The following PRDM14 variants were observed in gnomAD, a reference collection of about 807,000 sequenced individuals.
The protein encoded by PRDM14 is PR domain zinc finger protein 14.
Under a neutral mutation model 48.0 loss-of-function variants are expected in PRDM14, and 16 were observed. The ratio of observed to expected loss-of-function variants is 0.33; its 90% confidence interval spans 0.23 to 0.51. The LOEUF (loss-of-function observed/expected upper bound fraction) is 0.51. Among genes scored for constraint, PRDM14 ranks in the 20% least tolerant of loss-of-function variants. The pLI, the probability that PRDM14 is intolerant of heterozygous loss-of-function variation, is 0.97. For synonymous variants in PRDM14, 264 were observed against 276.6 expected (o/e 0.95, Z 0.45); for missense variants, 566 against 719.6 (o/e 0.79, Z 2.44).
At chr8:70,058,213 T>C (rs114016146) in intron 6 of PRDM14, among the ~76,000 whole-genome samples, 2,362 of 152,242 alleles carry the variant, frequency 0.016, 76 homozygotes, top group African/African-American at 0.054. Flanking sequence ...TCAACACACC[T>C]GCACAGATTT....
chr8:70,070,607 C>G (rs977180008), intron 1 of PRDM14, among the ~76,000 whole-genome samples: 1 of 152,200 alleles, frequency 6.6e-6, no homozygotes, highest in African/African-American at 2.4e-5. Context: ...TCTTTTCCCT[C>G]GCGGGCAGCG....
At chr8:70,053,344 T>C (rs1805420382) in intron 7 of PRDM14, among the ~76,000 whole-genome samples, 2 of 149,510 alleles carry the variant, frequency 1.3e-5, no homozygotes, top group Admixed American at 6.7e-5. Flanking sequence ...TCTTCTTCTT[T>C]TTAATTTAAA....
At chr8:70,064,772 G>T (rs952750068) in intron 5 of PRDM14, among the ~76,000 whole-genome samples, 1 of 150,866 alleles carries the variant, frequency 6.6e-6, no homozygotes, top group Admixed American at 6.6e-5. Context: ...TGATCCGCCC[G>T]CCTCACCTCC....
At chr8:70,054,510 T>C (rs1805439176) in intron 7 of PRDM14, among the ~76,000 whole-genome samples, 1 of 139,684 alleles carries the variant, frequency 7.2e-6, no homozygotes, top group South Asian at 2.3e-4. Context: ...TACTATGAAA[T>C]AGTGATTTTT....
intron 5 of PRDM14, among the ~76,000 whole-genome samples, chr8:70,060,001 G>A (rs1805548953): frequency 2.7e-5 from 4 of 150,898 alleles, no homozygotes. Context: ...GCTGAGGCAG[G>A]AGAATCACTT....
intron 2 of PRDM14, among the ~76,000 whole-genome samples, chr8:70,068,862 G>A (rs1223442888): frequency 6.6e-6 from 1 of 152,218 alleles, no homozygotes. Flanking sequence ...ACTGTTAGGT[G>A]TGAACTGCTG....
chr8:70,057,014 G>A (rs1805485320), intron 6 of PRDM14, among the ~76,000 whole-genome samples: 1 of 149,640 alleles, frequency 6.7e-6, no homozygotes, highest in Non-Finnish European at 1.5e-5. Flanking sequence ...CACCCAGGCT[G>A]GAGTGCGGTG....
intron 4 of PRDM14, 37 bp from the exon 5 acceptor site, chr8:70,066,542 CT>C (rs1281904871): frequency 3.2e-6 from 5 of 1,546,312 alleles, no homozygotes; most frequent in Middle Eastern, 1.7e-4. Context: ...TATTGTACTT[CT>C]TTTTTGGTCT....
intron 6 of PRDM14, among the ~76,000 whole-genome samples, chr8:70,057,530 C>T (rs1391608664): frequency 6.6e-6 from 1 of 152,022 alleles, no homozygotes; most frequent in East Asian, 1.9e-4. Context: ...TGGGGTTTCG[C>T]CATGTTGGCC....
chr8:70,055,236 G>A, intron 7 of PRDM14, 64 bp downstream of exon 7: 2 of 905,978 alleles, frequency 2.2e-6, no homozygotes, highest in South Asian at 1.6e-5. Context: ...TTTGTTTCAA[G>A]TTCTTATCCA....
intron 7 of PRDM14, among the ~76,000 whole-genome samples, chr8:70,053,227 A>G (rs1032365229): frequency 4.6e-5 from 7 of 152,092 alleles, no homozygotes; most frequent in African/African-American, 1.4e-4. Context: ...TCCTAGGATC[A>G]TACTTCAAGA....
chr8:70,055,472 A>T, intron 6 of PRDM14, 71 bp from the exon 7 acceptor site: 3 of 859,108 alleles, frequency 3.5e-6, no homozygotes, highest in Middle Eastern at 2.3e-4. Context: ...CCTTGCGTTT[A>T]CCTGGGGTTA....
intron 2 of PRDM14, among the ~76,000 whole-genome samples, chr8:70,068,835 T>A (rs1805714658): frequency 6.6e-6 from 1 of 152,224 alleles, no homozygotes; most frequent in Non-Finnish European, 1.5e-5. Flanking sequence ...AAGGTCAGCG[T>A]AGCTAGCTGA....
intron 5 of PRDM14, among the ~76,000 whole-genome samples, chr8:70,061,576 G>T (rs1432043897): frequency 6.6e-6 from 1 of 152,084 alleles, no homozygotes; most frequent in Non-Finnish European, 1.5e-5. Context: ...CACTTTTTTG[G>T]CACAGAGGTA....
intron 4 of PRDM14, among the ~76,000 whole-genome samples, chr8:70,066,772 C>T (rs1437865652): frequency 6.6e-6 from 1 of 152,116 alleles, no homozygotes; most frequent in Non-Finnish European, 1.5e-5. Flanking sequence ...GTTGCCCAGA[C>T]TGGAGTGCAG....
At chr8:70,056,956 C>G (rs1461905718) in intron 6 of PRDM14, among the ~76,000 whole-genome samples, 3 of 149,520 alleles carry the variant, frequency 2.0e-5, no homozygotes, top group Non-Finnish European at 4.4e-5. Context: ...TGACAGCCCT[C>G]CAGTTTCTTT....
intron 5 of PRDM14, among the ~76,000 whole-genome samples, chr8:70,060,785 G>A (rs1366010011): frequency 6.6e-6 from 1 of 152,144 alleles, no homozygotes; most frequent in Non-Finnish European, 1.5e-5. Flanking sequence ...ATTTCTCTTT[G>A]TGCCTTTAAG....
Position 70,068,497 on chromosome 8 carries a change from A to C in PRDM14, c.736T>G (p.Ser246Ala). The change falls in exon 3 of 8, where the codon TCC becomes GCC. Residue 246 changes from serine to alanine, a missense_variant. By Grantham distance (99) the Ser-to-Ala change is moderately conservative (BLOSUM62 1). Transcript: ENST00000276594. ...DSLPQTLDKD[S>A]LQLPEGLCLM... ...TGCCTACCTTCTGGAAGTTGAAGGGAGTCTTTATCCAGAGTTTGAGGAAGA... is the reference window on the plus strand; with the variant it reads ...TGCCTACCTTCTGGAAGTTGAAGGGCGTCTTTATCCAGAGTTTGAGGAAGA... 6.2e-7 allele frequency: 1 copy of C among 1,614,160 alleles called. No individual in the cohort carries two copies. The highest frequency in any genetic ancestry group is 1.3e-5 in the African/African-American group (1 of 75,046).
At chr8:70,069,081 A>C in intron 2 of PRDM14, 80 bp downstream of exon 2, 4 of 1,136,044 alleles carry the variant, frequency 3.5e-6, no homozygotes, top group Non-Finnish European at 4.9e-6. Flanking sequence ...CTCCACCTGG[A>C]AGCGCCTCTT....
Sources: gnomAD v4.1 joint callset for allele counts (sites outside exome capture counted in the v4.1 genomes callset) on GRCh38, gnomAD v4.1.1 for gene constraint, MANE v1.5 for transcripts, NCBI Gene and HGNC (gene_info 2026-07-23, HGNC 2026-07-21) for gene names.